Variants in LCA5L observed in about 807,000 individuals in gnomAD.
The protein encoded by LCA5L is lebercilin LCA5 like.
Under a neutral mutation model 45.4 loss-of-function variants are expected in LCA5L, and 35 were observed. The observed-to-expected ratio is 0.77, with a 90% CI of 0.59 to 1.02. The LOEUF (loss-of-function observed/expected upper bound fraction) is 1.02. Ranked by LOEUF, LCA5L falls within the 50% of genes least tolerant of loss-of-function variation. The probability of loss-of-function intolerance (pLI) is 0.00; values close to 1 mark genes in which losing one functional copy is unlikely to be tolerated. For synonymous variants in LCA5L, 233 were observed against 264.7 expected (o/e 0.88, Z 1.16); for missense variants, 668 against 761.6 (o/e 0.88, Z 1.45).
chr21:39,428,281 A>T lies in LCA5L; in HGVS notation c.213T>A (p.Phe71Leu). The T allele has an allele frequency of 5.0e-6, 8 of 1,610,762 alleles. No homozygotes were observed. Among genetic ancestry groups the T allele is most frequent in the Non-Finnish European group, 6.8e-6 (8 of 1,177,102 alleles). Residue 71 changes from phenylalanine to leucine, a missense_variant, in exon 5 of 11, where the codon TTT becomes TTA. Phe to Leu is a conservative substitution (Grantham distance 22). Coordinates refer to ENST00000288350, the MANE Select transcript of LCA5L (RefSeq NM_152505.4). ...TAGCCTTTTCTGAACAATCACAGAG[A>T]AAGTCTTCTGAATAATCATACTGAG... ...LSSQYDYSED[F>L]LCDCSEKAIN...
chr21:39,421,873 T>C (rs542589032), intron 6 of LCA5L: 3 of 152,368 alleles, frequency 2.0e-5, no homozygotes, highest in African/African-American at 7.2e-5. Context: ...AAGTGCTTTT[T>C]GTATCAAAGA....
chr21:39,428,393 C>A lies in LCA5L; in HGVS notation c.101G>T (p.Gly34Val). ...ACTGTTCCGTGAAAAATCGCCTGTG[C>A]CTGGGCTTCTCTTGCATGCTGCAGA... ...RRSAACKRSP[G>V]TGDFSRNSNA... The change falls in exon 5 of 11, where the codon GGC becomes GTC. Residue 34 changes from glycine (G) to valine (V), a missense_variant. Coordinates refer to ENST00000288350, the MANE Select transcript of LCA5L (RefSeq NM_152505.4). 6.2e-7 allele frequency: 1 copy of A among 1,613,166 alleles called. No individual in the cohort carries two copies. Among genetic ancestry groups the A allele is most frequent in the Non-Finnish European group, 8.5e-7 (1 of 1,179,698 alleles).
rs147915021 is a variant in LCA5L at position 39,414,713 on chromosome 21, C to CCTCTCT, written c.976-2917_976-2912dup. On this transcript the variant is annotated intron_variant, in intron 7 of 10. Coordinates refer to ENST00000288350, the MANE Select transcript of LCA5L (RefSeq NM_152505.4). Reference sequence around the variant, plus strand: ...AGTACTGCATCTGTCTGGTTCTCTCCCTCTCTCTCTCTCTCTCTCTCTCTC... The same window carrying CCTCTCT: ...AGTACTGCATCTGTCTGGTTCTCTCCCTCTCTCTCTCTCTCTCTCTCTCTCTCTCTC... Among the ~76,000 whole-genome samples the CCTCTCT allele has an allele frequency of 2.2e-3, 259 of 119,944 alleles. 1 individual carries two copies. The highest frequency in any genetic ancestry group is 6.0e-3 in the African/African-American group (182 of 30,210). The allele number at this position is 119,944 out of a possible 152,430, so 78.7% of individuals were successfully genotyped here. A position where few individuals can be genotyped will look rare whatever the true frequency, so the allele number is the denominator to read the frequency against.
intron 7 of LCA5L, among the ~76,000 whole-genome samples, chr21:39,418,552 G>A (rs1037799322): frequency 2.0e-5 from 3 of 151,934 alleles, no homozygotes; most frequent in Admixed American, 2.0e-4. Flanking sequence ...CCAGGGTGGA[G>A]TGCAGTGGCA....
At chr21:39,419,530 AAAAAAG>A (rs1377780446) in intron 7 of LCA5L, among the ~76,000 whole-genome samples, 6,089 of 150,044 alleles carry the variant, frequency 0.041, 423 homozygotes, top group African/African-American at 0.14. Flanking sequence ...GTTCAAAAAA[AAAAAAG>A]AAAAAAGAAA....
intron 2 of LCA5L, among the ~76,000 whole-genome samples, chr21:39,443,122 C>G (rs994369505): frequency 6.6e-6 from 1 of 152,158 alleles, no homozygotes; most frequent in Non-Finnish European, 1.5e-5. Flanking sequence ...AGTCTCATTC[C>G]TGGTTTTTGT....
Position 39,425,004 on chromosome 21 carries a change from T to C in LCA5L, c.323-1514A>G, listed in dbSNP as rs115807486. On this transcript the variant is annotated intron_variant, in intron 5 of 10. Transcript: ENST00000288350. The stretch of plus-strand genomic sequence containing the variant: ...ACAGAGCCCATTGTCTATGTGCCTA[T>C]GCTAGTGCCCCACAGGTGTGTGCAT... 3.6e-3 allele frequency among the ~76,000 whole-genome samples: 551 copies of C among 152,354 alleles called. 5 individuals carry two copies. The highest frequency in any genetic ancestry group is 0.013 in the African/African-American group (538 of 41,580).
chr21:39,419,335 G>A (rs1407393404), intron 7 of LCA5L, among the ~76,000 whole-genome samples: 2 of 151,904 alleles, frequency 1.3e-5, no homozygotes, highest in Non-Finnish European at 2.9e-5. Flanking sequence ...GACCAGCCTG[G>A]GCAACACAGC....
At position 39,409,115 on chromosome 21, in the gene LCA5L, T is replaced by A. The variant is rs1209815563; in HGVS notation, c.1282+864A>T. On this transcript the variant is annotated intron_variant, in intron 10 of 10. Transcript: ENST00000288350. The surrounding 1 kb of genome is among the most constrained non-coding windows in gnomAD (Gnocchi z 4.2). ...TGAGATCACAAGGTTGGGGCCTTCATGACGGAATTAGTGTCCTTATAAAAA... is the reference window on the plus strand; with the variant it reads ...TGAGATCACAAGGTTGGGGCCTTCAAGACGGAATTAGTGTCCTTATAAAAA... 6.6e-6 allele frequency among the ~76,000 whole-genome samples: 1 copy of A among 152,166 alleles called. No homozygotes were observed. The highest frequency in any genetic ancestry group is 1.9e-4 in the East Asian group (1 of 5,196).
At chr21:39,435,944 G>A (rs1309756270) in intron 2 of LCA5L, among the ~76,000 whole-genome samples, 5 of 152,094 alleles carry the variant, frequency 3.3e-5, no homozygotes, top group Non-Finnish European at 5.9e-5. Context: ...GGCCACAGGC[G>A]GCTTTTTCTC....
chr21:39,410,919 T>A (rs1569067697), intron 8 of LCA5L: 2 of 470,864 alleles, frequency 4.2e-6, no homozygotes, highest in Non-Finnish European at 8.8e-6. Context: ...ATGTAGCTAC[T>A]TCTTCTAATA....
chr21:39,426,204 C>A (rs142793712), intron 5 of LCA5L, among the ~76,000 whole-genome samples: 7 of 152,150 alleles, frequency 4.6e-5, no homozygotes, highest in African/African-American at 1.7e-4. Flanking sequence ...GGTTTGTTGG[C>A]TTCAGAAAGG....
chr21:39,406,243 T>C lies in LCA5L; in HGVS notation c.1652A>G (p.Tyr551Cys), dbSNP rs746728615. 1 of 1,614,254 alleles carries C rather than the reference T, an allele frequency of 6.2e-7. No homozygotes were observed. Among genetic ancestry groups the C allele is most frequent in the Non-Finnish European group, 8.5e-7 (1 of 1,180,038 alleles). Reference sequence around the variant, plus strand: ...GAGATGCTTGCCTGTACTATGACTGTACCTCATGTTGCCGGCATTGGCTGG... The same window carrying C: ...GAGATGCTTGCCTGTACTATGACTGCACCTCATGTTGCCGGCATTGGCTGG... ...GGPANAGNMR[Y>C]SHSTGKHLSN... is the part of the protein sequence containing the mutation. Residue 551 changes from tyrosine to cysteine, a missense_variant, in exon 11 of 11, where the codon TAC becomes TGC. Physicochemically the swap from Tyr to Cys is radical, Grantham distance 194. Coordinates refer to ENST00000288350, the MANE Select transcript of LCA5L (RefSeq NM_152505.4).
chr21:39,410,054 T>C lies in LCA5L; in HGVS notation c.1207A>G (p.Thr403Ala). 1.9e-6 allele frequency: 3 copies of C among 1,611,368 alleles called. No homozygotes were observed. The highest frequency in any genetic ancestry group is 1.1e-5 in the South Asian group (1 of 90,616). Reference sequence around the variant, plus strand: ...TGAGGAATTTCATGATTTATTTCAGTTGATTTTTCTTTATGATCGATGTTT... The same window carrying C: ...TGAGGAATTTCATGATTTATTTCAGCTGATTTTTCTTTATGATCGATGTTT... ...TGNIDHKEKS[T>A]EINHEIPHCV... The change falls in exon 10 of 11, where the codon ACT becomes GCT. Residue 403 changes from threonine to alanine, a missense_variant. Coordinates refer to ENST00000288350, the MANE Select transcript of LCA5L (RefSeq NM_152505.4).
intron 7 of LCA5L, among the ~76,000 whole-genome samples, chr21:39,419,950 T>G (rs4816625): frequency 0.98 from 149,211 of 152,292 alleles, 73,122 homozygotes; most frequent in East Asian, 1. Flanking sequence ...AAACACATTT[T>G]TAAGTAAAAC....
intron 7 of LCA5L, among the ~76,000 whole-genome samples, chr21:39,417,493 T>A (rs1400512158): frequency 6.6e-6 from 1 of 152,264 alleles, no homozygotes; most frequent in Non-Finnish European, 1.5e-5. Flanking sequence ...GTTTATTTTT[T>A]AAATGTAGGC....
chr21:39,414,788 A>ATTT (rs2040846715), intron 7 of LCA5L, among the ~76,000 whole-genome samples: 1 of 110,594 alleles, frequency 9.0e-6, no homozygotes, highest in Non-Finnish European at 1.9e-5. Flanking sequence ...GTCTGTGCAT[A>ATTT]TTTTACTTTG....
intron 10 of LCA5L, chr21:39,407,987 C>T (rs1194809870): frequency 6.6e-6 from 1 of 152,172 alleles, no homozygotes; most frequent in Non-Finnish European, 1.5e-5. Context: ...GGCCCTTGGG[C>T]CTCTACTGAA....
intron 7 of LCA5L, among the ~76,000 whole-genome samples, chr21:39,412,314 G>T (rs73906032): frequency 1.3e-5 from 2 of 151,862 alleles, no homozygotes; most frequent in African/African-American, 4.8e-5. Flanking sequence ...GACAAGGGCC[G>T]GGGGGGAAGC....
Sources: gnomAD v4.1 joint callset for allele counts (sites outside exome capture counted in the v4.1 genomes callset) on GRCh38, gnomAD v4.1.1 for gene constraint, Gnocchi (gnomAD v3.1) non-coding constraint, MANE v1.5 for transcripts, NCBI Gene and HGNC (gene_info 2026-07-23, HGNC 2026-07-21) for gene names.